Variants in NKAIN3 observed in about 807,000 individuals in gnomAD.
The protein encoded by NKAIN3 is sodium/potassium transporting ATPase interacting 3.
A neutral mutation model predicts 30.2 loss-of-function variants in NKAIN3; 25 were observed. The observed-to-expected ratio is 0.83, with a 90% CI of 0.60 to 1.16. NKAIN3 has a LOEUF of 1.16. Among genes scored for constraint, NKAIN3 ranks in the 50% most tolerant of loss-of-function variants. The probability of loss-of-function intolerance (pLI) is 0.00; values close to 1 mark genes in which losing one functional copy is unlikely to be tolerated. For missense variants in NKAIN3, 225 were observed against 254.1 expected (o/e 0.89, Z 0.78); for synonymous variants, 91 against 89.6 (o/e 1.02, Z -0.09).
In NKAIN3 at chr8:62,859,508, T is replaced by TAAAAAAAAAAAAAAAAAAA. The variant is rs531859546; in HGVS notation, c.472-58932_472-58931insAAAAAAAAAAAAAAAAAAA. On this transcript the variant is annotated intron_variant, in intron 4 of 6. Transcript: ENST00000623646. ...ACTTTTTCTATACTCTTACTTCAAC[T>TAAAAAAAAAAAAAAAAAAA]AAAAAAAAAAAAACTTCATGGAAGT... Among the ~76,000 whole-genome samples, 74 of 60,406 alleles carry TAAAAAAAAAAAAAAAAAAA rather than the reference T, an allele frequency of 1.2e-3. 11 individuals are homozygous for TAAAAAAAAAAAAAAAAAAA. The highest frequency in any genetic ancestry group is 3.4e-3 in the African/African-American group (61 of 17,928). The allele number at this position is 60,406 out of a possible 152,430, so 39.6% of individuals were successfully genotyped here.
intron 3 of NKAIN3, among the ~76,000 whole-genome samples, chr8:62,724,188 A>G (rs1449285279): frequency 2.0e-5 from 3 of 152,248 alleles, no homozygotes; most frequent in Middle Eastern, 3.4e-3. Context: ...TCGATTATAC[A>G]TAAGAAAGTA....
At chr8:62,826,763 T>C (rs1271695660) in intron 4 of NKAIN3, among the ~76,000 whole-genome samples, 1 of 152,186 alleles carries the variant, frequency 6.6e-6, no homozygotes, top group African/African-American at 2.4e-5. Flanking sequence ...ACATTATTTA[T>C]TGGAAATACA....
chr8:62,652,331 AATC>A (rs1812647173), intron 3 of NKAIN3, among the ~76,000 whole-genome samples: 1 of 152,196 alleles, frequency 6.6e-6, no homozygotes. Flanking sequence ...ATATTAGAAT[AATC>A]ATTCAACTTT....
At chr8:62,554,714 A>G (rs1809329579) in intron 1 of NKAIN3, among the ~76,000 whole-genome samples, 1 of 152,182 alleles carries the variant, frequency 6.6e-6, no homozygotes, top group Non-Finnish European at 1.5e-5. Context: ...ATTTAAATTC[A>G]AAATAAATCA....
intron 1 of NKAIN3, among the ~76,000 whole-genome samples, chr8:62,534,587 A>G (rs1808595361): frequency 6.6e-6 from 1 of 152,204 alleles, no homozygotes; most frequent in South Asian, 2.1e-4. Context: ...AGCGGTTTTC[A>G]TACTTCAGCA....
In NKAIN3 at chr8:62,860,223, G is replaced by A. The variant is rs529309110; in HGVS notation, c.472-58230G>A. Among the ~76,000 whole-genome samples the A allele has an allele frequency of 8.3e-4, 127 of 152,280 alleles. 5 individuals are homozygous for A. The highest frequency in any genetic ancestry group is 3.4e-3 in the Middle Eastern group (1 of 294). On this transcript the variant is annotated intron_variant, in intron 4 of 6. Transcript: ENST00000623646. ...AGATGTGGCTTATTTTCAAGTACAG[G>A]CCACATGGTATGGTAGCAGCAGATG...
intron 1 of NKAIN3, among the ~76,000 whole-genome samples, chr8:62,491,348 G>A (rs2129637116): frequency 6.6e-6 from 1 of 152,196 alleles, no homozygotes; most frequent in Non-Finnish European, 1.5e-5. Context: ...TCTCCATGTT[G>A]TCTCCATTGT....
chr8:62,760,024 A>C (rs1198754384), intron 4 of NKAIN3, among the ~76,000 whole-genome samples: 4 of 150,794 alleles, frequency 2.7e-5, no homozygotes, highest in Non-Finnish European at 4.4e-5. Flanking sequence ...CACATGAAAG[A>C]ATGCTCATCA....
chr8:62,389,261 A>G lies in NKAIN3; in HGVS notation c.54+140134A>G, dbSNP rs185484852. On this transcript the variant is annotated intron_variant, in intron 1 of 6. Transcript: ENST00000623646. Reference sequence around the variant, plus strand: ...TAAAATTTGGTGTTTCAATACATGTATACATGGTGGAATGATCAAATCAGG... The same window carrying G: ...TAAAATTTGGTGTTTCAATACATGTGTACATGGTGGAATGATCAAATCAGG... 3.6e-4 allele frequency among the ~76,000 whole-genome samples: 55 copies of G among 152,332 alleles called. 1 individual carries two copies. The East Asian group carries it at 6.7e-3, about 19-fold the overall frequency.
intron 3 of NKAIN3, among the ~76,000 whole-genome samples, chr8:62,714,866 C>T (rs1465292386): frequency 6.6e-6 from 1 of 152,186 alleles, no homozygotes; most frequent in Non-Finnish European, 1.5e-5. Flanking sequence ...GAAACTCTGA[C>T]ACAAAATGCC....
chr8:62,861,610 T>A (rs1318536466), intron 4 of NKAIN3, among the ~76,000 whole-genome samples: 1 of 152,194 alleles, frequency 6.6e-6, no homozygotes, highest in Non-Finnish European at 1.5e-5. Flanking sequence ...TTGAAATATT[T>A]AGACTTTTTC....
intron 1 of NKAIN3, among the ~76,000 whole-genome samples, chr8:62,528,288 T>G (rs1000777968): frequency 1.7e-5 from 2 of 118,116 alleles, no homozygotes; most frequent in Admixed American, 8.8e-5. Context: ...GGTATTGTGA[T>G]ATATATATAT....
At chr8:62,487,421 A>C (rs1021193419) in intron 1 of NKAIN3, among the ~76,000 whole-genome samples, 1 of 152,186 alleles carries the variant, frequency 6.6e-6, no homozygotes, top group Non-Finnish European at 1.5e-5. Flanking sequence ...GGAGAGAAAG[A>C]GATAAGGGCA....
At chr8:62,555,455 G>A (rs191908462) in intron 1 of NKAIN3, among the ~76,000 whole-genome samples, 159 of 152,122 alleles carry the variant, frequency 1.0e-3, no homozygotes, top group Non-Finnish European at 1.8e-3. Context: ...AAACTAAGTG[G>A]ATAGGGTTAG....
At chr8:62,477,268 A>G (rs1426183451) in intron 1 of NKAIN3, among the ~76,000 whole-genome samples, 1 of 152,166 alleles carries the variant, frequency 6.6e-6, no homozygotes, top group Non-Finnish European at 1.5e-5. Context: ...GTACGCATGC[A>G]CACACACACA....
chr8:62,565,365 C>CGTGT (rs3059061), intron 1 of NKAIN3, among the ~76,000 whole-genome samples: 102 of 149,788 alleles, frequency 6.8e-4, no homozygotes, highest in African/African-American at 9.8e-4. Flanking sequence ...TACGTGTGTG[C>CGTGT]GTGTGTGTGT....
At chr8:62,471,584 C>A (rs1806346948) in intron 1 of NKAIN3, among the ~76,000 whole-genome samples, 1 of 152,126 alleles carries the variant, frequency 6.6e-6, no homozygotes, top group Non-Finnish European at 1.5e-5. Flanking sequence ...AGTTAGAAAA[C>A]CAGCTGTGAA....
At chr8:62,599,390 T>A (rs1481438032) in intron 3 of NKAIN3, among the ~76,000 whole-genome samples, 2 of 152,062 alleles carry the variant, frequency 1.3e-5, no homozygotes, top group Non-Finnish European at 2.9e-5. Flanking sequence ...TCCTGAAGCC[T>A]CAATTTCCTG....
intron 4 of NKAIN3, among the ~76,000 whole-genome samples, chr8:62,794,822 G>GCT (rs1342145489): frequency 1.3e-5 from 2 of 152,174 alleles, no homozygotes; most frequent in Non-Finnish European, 2.9e-5. Flanking sequence ...TGAGTGCAGA[G>GCT]ATAGTGAAGG....
Sources: allele counts gnomAD v4.1 joint callset (sites outside exome capture counted in the v4.1 genomes callset), GRCh38; gene constraint gnomAD v4.1.1; transcripts MANE v1.5; gene names NCBI Gene and HGNC (gene_info 2026-07-23, HGNC 2026-07-21).